TAS2R1: variants seen among roughly 807,000 people sequenced by gnomAD.
TAS2R1 encodes taste 2 receptor member 1, also known as taste receptor type 2 member 1.
For synonymous variants in TAS2R1, 141 were observed against 134.2 expected, an observed-to-expected ratio of 1.05 and a Z score of -0.35; for missense variants, 370 against 353.4, an observed-to-expected ratio of 1.05 and a Z score of -0.38.
At chr5:9,716,563 A>G (rs1734817331), upstream of TAS2R1, among the ~76,000 whole-genome samples, 2 of 139,052 alleles carry the variant, frequency 1.4e-5, no homozygotes, top group African/African-American at 5.4e-5. Context: ...ATATATATAT[A>G]TGCTTACAGT....
the TAS2R1 span, among the ~76,000 whole-genome samples, chr5:9,767,806 C>T: frequency 8.6e-5 from 13 of 151,914 alleles, no homozygotes; most frequent in African/African-American, 1.2e-4. Flanking sequence ...CACCTGTAGT[C>T]CCAGATACTT....
At chr5:9,680,698 C>A (rs1310664988) in intron 1 of TAS2R1, among the ~76,000 whole-genome samples, 2 of 152,084 alleles carry the variant, frequency 1.3e-5, no homozygotes, top group Non-Finnish European at 2.9e-5. Context: ...TCATCAGAGA[C>A]AACAAAAGGA....
chr5:9,866,473 T>C, the TAS2R1 span, among the ~76,000 whole-genome samples: 2 of 152,222 alleles, frequency 1.3e-5, no homozygotes, highest in African/African-American at 4.8e-5. Flanking sequence ...GTAGAGACAA[T>C]TTAAGACTTT....
chr5:9,695,403 C>T (rs1652279880), intron 1 of TAS2R1, among the ~76,000 whole-genome samples: 1 of 151,992 alleles, frequency 6.6e-6, no homozygotes, highest in Admixed American at 6.6e-5. Context: ...AAGAAGTTTG[C>T]ACCAACTCTC....
chr5:9,753,659 T>G, the TAS2R1 span, among the ~76,000 whole-genome samples: 2 of 152,186 alleles, frequency 1.3e-5, no homozygotes, highest in Non-Finnish European at 2.9e-5. Context: ...TAGGTTTTCT[T>G]CTAGGGTTTT....
chr5:9,743,138 A>T, the TAS2R1 span, among the ~76,000 whole-genome samples: 1 of 151,776 alleles, frequency 6.6e-6, no homozygotes, highest in Non-Finnish European at 1.5e-5. Flanking sequence ...GACACTACAC[A>T]CTTATGATAC....
the TAS2R1 span, among the ~76,000 whole-genome samples, chr5:9,730,131 C>A: frequency 1.7e-4 from 26 of 152,296 alleles, no homozygotes; most frequent in Admixed American, 1.4e-3. Flanking sequence ...ATGCATATAT[C>A]TTTGGGTATT....
At chr5:9,760,224 G>A in the TAS2R1 span, among the ~76,000 whole-genome samples, 1 of 152,252 alleles carries the variant, frequency 6.6e-6, no homozygotes, top group South Asian at 2.1e-4. Flanking sequence ...AAAACAGAAA[G>A]GACCTGGCTC....
chr5:9,684,154 C>T (rs1561378026), intron 1 of TAS2R1, among the ~76,000 whole-genome samples: 1 of 152,086 alleles, frequency 6.6e-6, no homozygotes, highest in Non-Finnish European at 1.5e-5. Context: ...AACCTAAGTG[C>T]TCATCAATGG....
the TAS2R1 span, among the ~76,000 whole-genome samples, chr5:9,821,311 C>A: frequency 6.6e-6 from 1 of 152,190 alleles, no homozygotes; most frequent in Non-Finnish European, 1.5e-5. Flanking sequence ...ACCACCACCA[C>A]CACCACCCCC....
the TAS2R1 span, chr5:9,889,537 C>T: frequency 1.3e-5 from 2 of 152,124 alleles, no homozygotes; most frequent in Non-Finnish European, 2.9e-5. Flanking sequence ...TAAAGCATTA[C>T]AGCGGGGGTT....
the TAS2R1 span, among the ~76,000 whole-genome samples, chr5:9,825,188 T>C: frequency 6.6e-6 from 1 of 152,246 alleles, no homozygotes; most frequent in African/African-American, 2.4e-5. Context: ...GTATTATCTG[T>C]TCTCAGGCTG....
chr5:9,630,055 C>A lies in TAS2R1; in HGVS notation c.-23G>T. ...CATTTTAGGAATAAAAAATTATTTA[C>A]TTAAAAAATAATGAAGTTATAAAGT... is the stretch of plus-strand genomic sequence containing the variant. On this transcript the variant is annotated 5_prime_UTR_variant, in exon 1 of 1. Coordinates refer to ENST00000382492, the MANE Select transcript of TAS2R1 (RefSeq NM_019599.3). 1 of 1,514,844 alleles carries A rather than the reference C, an allele frequency of 6.6e-7. No homozygotes were observed. Among genetic ancestry groups the A allele is most frequent in the South Asian group, 1.3e-5 (1 of 74,246 alleles). The allele number at this position is 1,514,844 out of a possible 1,614,324, so 93.8% of individuals were successfully genotyped here.
the TAS2R1 span, among the ~76,000 whole-genome samples, chr5:9,851,315 A>T: frequency 6.6e-6 from 1 of 152,220 alleles, no homozygotes; most frequent in African/African-American, 2.4e-5. Flanking sequence ...TTGGCTAGAC[A>T]ACAAAGACAG....
At chr5:9,822,539 C>T in the TAS2R1 span, among the ~76,000 whole-genome samples, 12 of 151,734 alleles carry the variant, frequency 7.9e-5, no homozygotes, top group African/African-American at 2.4e-4. Context: ...TTAGTAGACA[C>T]GGGGTTTCAC....
chr5:9,692,186 T>C (rs759396499), intron 1 of TAS2R1, among the ~76,000 whole-genome samples: 16 of 152,168 alleles, frequency 1.1e-4, no homozygotes, highest in African/African-American at 3.6e-4. Context: ...CTCTACGTGC[T>C]TGTCAGAGCG....
chr5:9,628,869 G>GT lies in TAS2R1; in HGVS notation c.*263dup, dbSNP rs1739810276. 1 of 321,612 alleles carries GT rather than the reference G, an allele frequency of 3.1e-6. No individual in the cohort carries two copies. Among genetic ancestry groups the GT allele is most frequent in the African/African-American group, 2.1e-5 (1 of 47,112 alleles). The allele number at this position is 321,612 out of a possible 1,614,324, so 19.9% of individuals were successfully genotyped here. A position where few individuals can be genotyped will look rare whatever the true frequency, so the allele number is the denominator to read the frequency against. On this transcript the variant is annotated 3_prime_UTR_variant, in exon 1 of 1. Transcript: ENST00000382492. ...AACCATTTACTCAGTTTTCCCAATG[G>GT]TAACAACTTGCACGATGATAGTACA...
the TAS2R1 span, among the ~76,000 whole-genome samples, chr5:9,804,955 G>C: frequency 6.6e-6 from 1 of 151,836 alleles, no homozygotes; most frequent in Admixed American, 6.6e-5. Context: ...GAAACAAAAA[G>C]CTAGTTCATT....
chr5:9,783,720 A>G, the TAS2R1 span, among the ~76,000 whole-genome samples: 718 of 152,314 alleles, frequency 4.7e-3, 3 homozygotes, highest in African/African-American at 0.017. Flanking sequence ...GTGAACACCA[A>G]AACTATTTTT....
Sources: allele counts gnomAD v4.1 joint callset (sites outside exome capture counted in the v4.1 genomes callset), GRCh38; gene constraint gnomAD v4.1.1; transcripts MANE v1.5; gene names NCBI Gene and HGNC (gene_info 2026-07-23, HGNC 2026-07-21).